RPH3A: variants seen among roughly 807,000 people sequenced by gnomAD.
The protein encoded by RPH3A is rabphilin-3A.
A neutral mutation model predicts 102.2 loss-of-function variants in RPH3A; 48 were observed. That is an observed-to-expected ratio of 0.47 (90% CI 0.37 to 0.60). The LOEUF (loss-of-function observed/expected upper bound fraction) is 0.60, where lower values mean the gene tolerates loss of function less well. RPH3A is among the 20% of genes least tolerant of loss of function. The pLI is 0.00. For missense variants in RPH3A, 781 were observed against 910.1 expected (o/e 0.86, Z 1.83); for synonymous variants, 310 against 324.3 (o/e 0.96, Z 0.47).
chr12:112,897,926 G>T lies in RPH3A; in HGVS notation c.*1146G>T, dbSNP rs2240191. 0.26 allele frequency: 40,093 copies of T among 152,200 alleles called. 6,230 individuals are homozygous for T. The highest frequency in any genetic ancestry group is 0.44 in the East Asian group (2,296 of 5,160). 9.4% of individuals were successfully genotyped at this position (152,200 alleles called of 1,614,324 possible). ...GGGCCATGGGTCTGAGGAAGCCTCA[G>T]CCAAAGCCTCCAGCCTTTCTCCTTT... On this transcript the variant is annotated 3_prime_UTR_variant, in exon 22 of 22. Coordinates refer to ENST00000389385, the MANE Select transcript of RPH3A (RefSeq NM_001143854.2).
intron 4 of RPH3A, among the ~76,000 whole-genome samples, chr12:112,843,431 C>A (rs552021977): frequency 2.0e-5 from 3 of 152,316 alleles, no homozygotes; most frequent in African/African-American, 7.2e-5. Context: ...AAGGTGCCAG[C>A]AGCCTCCAGC....
chr12:112,866,482 TCAGTGATCTCCC>T (rs1394997624), intron 6 of RPH3A, among the ~76,000 whole-genome samples: 1 of 152,148 alleles, frequency 6.6e-6, no homozygotes. Flanking sequence ...AAAAAGTATG[TCAGTGATCTCCC>T]CAGTGTGGAT....
At chr12:112,891,953 G>C (rs535191845) in intron 19 of RPH3A, among the ~76,000 whole-genome samples, 2 of 152,366 alleles carry the variant, frequency 1.3e-5, no homozygotes, top group East Asian at 3.9e-4. Flanking sequence ...CTCTAAGCAA[G>C]TTATTTAGCT....
At chr12:112,642,545 T>A (rs1325459820) in intron 1 of RPH3A, among the ~76,000 whole-genome samples, 1 of 152,164 alleles carries the variant, frequency 6.6e-6, no homozygotes, top group African/African-American at 2.4e-5. Context: ...TTCTATACAA[T>A]CAGTATGTGG....
At chr12:112,643,296 C>T (rs2039903877) in intron 1 of RPH3A, among the ~76,000 whole-genome samples, 1 of 152,192 alleles carries the variant, frequency 6.6e-6, no homozygotes, top group Non-Finnish European at 1.5e-5. Flanking sequence ...ACTCATGTGT[C>T]TTGTTTCCTA....
At chr12:112,615,516 C>A (rs951240844) in intron 1 of RPH3A, among the ~76,000 whole-genome samples, 1 of 152,198 alleles carries the variant, frequency 6.6e-6, no homozygotes, top group African/African-American at 2.4e-5. Flanking sequence ...AGCCAGCCAG[C>A]CCTTGTTAGG....
chr12:112,736,923 G>C (rs1235340274), intron 1 of RPH3A, among the ~76,000 whole-genome samples: 1 of 152,162 alleles, frequency 6.6e-6, no homozygotes, highest in Non-Finnish European at 1.5e-5. Context: ...GGGAGGCCAA[G>C]ATGGGAGGAT....
intron 1 of RPH3A, among the ~76,000 whole-genome samples, chr12:112,700,532 T>C (rs2040386111): frequency 6.6e-6 from 1 of 152,192 alleles, no homozygotes; most frequent in Non-Finnish European, 1.5e-5. Flanking sequence ...TTCAGCCTTC[T>C]CTCATCCACC....
At chr12:112,856,263 G>A (rs2042409384) in intron 5 of RPH3A, among the ~76,000 whole-genome samples, 1 of 152,180 alleles carries the variant, frequency 6.6e-6, no homozygotes, top group African/African-American at 2.4e-5. Context: ...GCAGCAGTAC[G>A]GGAAAGGTCA....
At chr12:112,866,912 G>A (rs1373017858) in intron 7 of RPH3A, 72 bp downstream of exon 7, 23 of 1,211,032 alleles carry the variant, frequency 1.9e-5, no homozygotes, top group Admixed American at 5.8e-5. Flanking sequence ...TGCCTTAAGA[G>A]GTTTGTATGA....
At chr12:112,834,092 C>T (rs1392075573) in intron 3 of RPH3A, among the ~76,000 whole-genome samples, 1 of 152,146 alleles carries the variant, frequency 6.6e-6, no homozygotes, top group East Asian at 1.9e-4. Context: ...CATCCATTGC[C>T]AAAACTTCTT....
rs754086996 is a variant in RPH3A, at chr12:112,868,559, C to T, written c.574C>T (p.Pro192Ser). ...SEPAAPEQPA[P>S]EPKHPARAPA... ...GCCTGCTGCCCCTGAACAGCCTGCTCCTGAGCCCAAGCACCCTGCCCGGGC... is the reference window on the plus strand; with the variant it reads ...GCCTGCTGCCCCTGAACAGCCTGCTTCTGAGCCCAAGCACCCTGCCCGGGC... The change falls in exon 8 of 22, where the codon CCT becomes TCT. Residue 192 changes from proline to serine, a missense_variant. This residue lies in a region of RPH3A where 730 missense variants were observed against 810.0 expected (regional missense o/e 0.90). Transcript: ENST00000389385. 13 of 1,614,024 alleles carry T rather than the reference C, an allele frequency of 8.1e-6. No homozygotes were observed. The highest frequency in any genetic ancestry group is 2.7e-5 in the African/African-American group (2 of 74,916).
At chr12:112,662,120 G>C (rs979914119) in intron 1 of RPH3A, among the ~76,000 whole-genome samples, 1 of 152,186 alleles carries the variant, frequency 6.6e-6, no homozygotes, top group African/African-American at 2.4e-5. Context: ...GCATTGAGCA[G>C]AGCAGCTTTG....
In RPH3A at chr12:112,890,837, C is replaced by T. The variant is rs753782529; in HGVS notation, c.1621-12C>T. On this transcript the variant is annotated splice_polypyrimidine_tract_variant and intron_variant, in intron 18 of 21. Transcript: ENST00000389385. ...CCCTCCAAGGCCCACACTGCCTTTT[C>T]CCCCAATGCAGCAGGTGGAGCGTGT... 2 of 1,612,178 alleles carry T rather than the reference C, an allele frequency of 1.2e-6. No homozygotes were observed.
chr12:112,879,209 G>C lies in RPH3A; in HGVS notation c.1251+11G>C. 1 of 1,611,936 alleles carries C rather than the reference G, an allele frequency of 6.2e-7. No homozygotes were observed. Among genetic ancestry groups the C allele is most frequent in the Non-Finnish European group, 8.5e-7 (1 of 1,178,532 alleles). The stretch of plus-strand genomic sequence containing the variant: ...ATCATTAAGGCCAAGGTGGGTGATG[G>C]GGACCATGCAGGGAACCTCTCAGGA... On this transcript the variant is annotated intron_variant, in intron 14 of 21. Transcript: ENST00000389385.
intron 21 of RPH3A, 35 bp downstream of exon 21, chr12:112,895,908 T>C: frequency 2.1e-6 from 3 of 1,427,476 alleles, no homozygotes; most frequent in Non-Finnish European, 2.0e-6. Context: ...AACGCCCTCT[T>C]CTGTCCTCCC....
intron 1 of RPH3A, among the ~76,000 whole-genome samples, chr12:112,742,517 T>C (rs1981544): frequency 0.74 from 111,963 of 152,112 alleles, 41,630 homozygotes; most frequent in East Asian, 0.86. Context: ...GAGCTGAGGT[T>C]CCAGCAGGAA....
chr12:112,771,101 T>G (rs2040924587), intron 1 of RPH3A, among the ~76,000 whole-genome samples: 1 of 152,354 alleles, frequency 6.6e-6, no homozygotes, highest in South Asian at 2.1e-4. Context: ...TGTTCCCTAA[T>G]TTTCTTGCTA....
At chr12:112,887,046 C>G (rs1465939122) in intron 16 of RPH3A, among the ~76,000 whole-genome samples, 1 of 152,208 alleles carries the variant, frequency 6.6e-6, no homozygotes, top group Non-Finnish European at 1.5e-5. Context: ...CCTTTATAAA[C>G]TGCTGGTAGG....
Sources: gnomAD v4.1 joint callset for allele counts (sites outside exome capture counted in the v4.1 genomes callset) on GRCh38, gnomAD v4.1.1 for gene constraint, gnomAD v4.1.1 regional missense constraint, MANE v1.5 for transcripts, NCBI Gene and HGNC (gene_info 2026-07-23, HGNC 2026-07-21) for gene names.